Variants in FHOD3 observed in about 807,000 individuals in gnomAD.
The protein encoded by FHOD3 is FH1/FH2 domain-containing protein 3.
A neutral mutation model predicts 173.0 loss-of-function variants in FHOD3; 90 were observed. The ratio of observed to expected loss-of-function variants is 0.52; its 90% CI spans 0.44 to 0.62. The LOEUF (loss-of-function observed/expected upper bound fraction) is 0.62, where lower values mean the gene tolerates loss of function less well. Among genes scored for constraint, FHOD3 ranks in the 20% least tolerant of loss-of-function variants. The pLI is 0.00. For missense variants in FHOD3, 1,945 were observed against 2,034.7 expected (o/e 0.96, Z 0.85); for synonymous variants, 828 against 823.0 (o/e 1.01, Z -0.10).
intron 28 of FHOD3, among the ~76,000 whole-genome samples, chr18:36,771,605 C>T (rs1291401886): frequency 6.6e-6 from 1 of 152,176 alleles, no homozygotes; most frequent in Non-Finnish European, 1.5e-5. Context: ...AGTAGTTGCC[C>T]TTTATTGGCT....
At chr18:36,655,039 C>CT (rs986119463) in intron 13 of FHOD3, among the ~76,000 whole-genome samples, 30 of 140,672 alleles carry the variant, frequency 2.1e-4, no homozygotes, top group East Asian at 6.3e-4. Flanking sequence ...AACTGAGCTT[C>CT]TTTTTTTTTC....
intron 8 of FHOD3, among the ~76,000 whole-genome samples, chr18:36,610,772 G>A (rs1261396074): frequency 6.6e-6 from 1 of 152,224 alleles, no homozygotes; most frequent in East Asian, 1.9e-4. Flanking sequence ...TCCTAGGCAA[G>A]TTATCATGTT....
intron 3 of FHOD3, among the ~76,000 whole-genome samples, chr18:36,469,077 C>CT (rs2053123170): frequency 6.6e-6 from 1 of 152,150 alleles, no homozygotes; most frequent in East Asian, 1.9e-4. Flanking sequence ...CCTTGCCATA[C>CT]TTGGGGGTCT....
At chr18:36,462,196 C>G (rs1708687) in intron 3 of FHOD3, among the ~76,000 whole-genome samples, 152,133 of 152,322 alleles carry the variant, frequency 1, 75,972 homozygotes, top group East Asian at 1. Context: ...GTTGTTCACT[C>G]ACCAGGAACA....
intron 3 of FHOD3, among the ~76,000 whole-genome samples, chr18:36,375,984 C>T (rs1203944920): frequency 1.3e-5 from 2 of 152,178 alleles, no homozygotes; most frequent in Non-Finnish European, 2.9e-5. Context: ...ATGGTCATAT[C>T]GTGGGCATAC....
intron 3 of FHOD3, among the ~76,000 whole-genome samples, chr18:36,486,691 A>G (rs1010679887): frequency 6.6e-6 from 1 of 152,272 alleles, no homozygotes; most frequent in African/African-American, 2.4e-5. Context: ...CTTATTGACG[A>G]GTAATTCACA....
In FHOD3 at chr18:36,374,484, C is replaced by T. The variant is rs1470029742; in HGVS notation, c.337+1740C>T. Among the ~76,000 whole-genome samples, 8 of 152,322 alleles carry T rather than the reference C, an allele frequency of 5.3e-5. No homozygotes were observed. In the East Asian group the frequency reaches 5.8e-4, roughly 11 times the overall value. On this transcript the variant is annotated intron_variant, in intron 3 of 28. Coordinates refer to ENST00000590592, the MANE Select transcript of FHOD3 (RefSeq NM_001281740.3). ...TTCATAAACTAATTAAATATGACTA[C>T]ATAAAGGTCACTGCTTCTTTGAAAG... is the stretch of plus-strand genomic sequence containing the variant.
intron 1 of FHOD3, among the ~76,000 whole-genome samples, chr18:36,332,613 G>T (rs1188774187): frequency 6.6e-6 from 1 of 152,234 alleles, no homozygotes; most frequent in Non-Finnish European, 1.5e-5. Context: ...ACCGGTGTCT[G>T]TTTCTGTGTC....
chr18:36,739,621 ATTAT>A (rs759804710), intron 20 of FHOD3, among the ~76,000 whole-genome samples: 83 of 152,184 alleles, frequency 5.5e-4, no homozygotes, highest in Non-Finnish European at 8.1e-4. Flanking sequence ...CCATGTGTTT[ATTAT>A]TTGTTTCTAT....
intron 16 of FHOD3, 161 bp from the exon 17 acceptor site, chr18:36,693,048 C>G: frequency 1.5e-6 from 1 of 669,636 alleles, no homozygotes; most frequent in Non-Finnish European, 2.6e-6. Context: ...AGCATCTTGG[C>G]TTTGCTGGGT....
At chr18:36,373,225 A>T (rs544090876) in intron 3 of FHOD3, among the ~76,000 whole-genome samples, 1 of 152,330 alleles carries the variant, frequency 6.6e-6, no homozygotes, top group African/African-American at 2.4e-5. Flanking sequence ...GTGGTTCAGA[A>T]TGGCTTGCTG....
chr18:36,770,350 G>A (rs1237883478), intron 28 of FHOD3, among the ~76,000 whole-genome samples: 1 of 152,212 alleles, frequency 6.6e-6, no homozygotes, highest in East Asian at 1.9e-4. Context: ...CAAATTCAGA[G>A]AGCCCCAAAC....
intron 3 of FHOD3, among the ~76,000 whole-genome samples, chr18:36,500,484 A>G (rs151196373): frequency 6.6e-6 from 1 of 152,296 alleles, no homozygotes; most frequent in East Asian, 1.9e-4. Flanking sequence ...CTAGAATTGA[A>G]GCCCGAGGTG....
rs75151484 is a variant in FHOD3 at position 36,719,267 on chromosome 18, C to T, written c.3417+552C>T. ...TATTTGGCATCCTGTCAATATTACA[C>T]ATGCCTCTAGATTTAGTATTTTGGA... On this transcript the variant is annotated intron_variant, in intron 19 of 28. Coordinates refer to ENST00000590592, the MANE Select transcript of FHOD3 (RefSeq NM_001281740.3). Among the ~76,000 whole-genome samples the T allele has an allele frequency of 3.8e-4, 58 of 152,328 alleles. No individual in the cohort carries two copies. In the East Asian group the frequency reaches 8.1e-3, roughly 21 times the overall value.
At chr18:36,386,842 TG>T (rs2048058852) in intron 3 of FHOD3, among the ~76,000 whole-genome samples, 1 of 151,840 alleles carries the variant, frequency 6.6e-6, no homozygotes, top group Admixed American at 6.6e-5. Context: ...GGGTCTAGCT[TG>T]GGGGGATTGG....
At chr18:36,454,318 C>A (rs1026345124) in intron 3 of FHOD3, among the ~76,000 whole-genome samples, 1 of 152,072 alleles carries the variant, frequency 6.6e-6, no homozygotes, top group Non-Finnish European at 1.5e-5. Flanking sequence ...TGGGACCACA[C>A]ATATGGGGTT....
chr18:36,358,650 A>G (rs1223550757), intron 2 of FHOD3, among the ~76,000 whole-genome samples: 3 of 152,240 alleles, frequency 2.0e-5, no homozygotes, highest in Non-Finnish European at 4.4e-5. Context: ...GAATAGCTAC[A>G]CATTTAAAAT....
chr18:36,589,238 G>C (rs970871981), intron 6 of FHOD3, among the ~76,000 whole-genome samples: 2 of 152,296 alleles, frequency 1.3e-5, no homozygotes, highest in Admixed American at 6.5e-5. Context: ...GTTATATACT[G>C]TGATTTAGCT....
chr18:36,692,776 G>T (rs1323918218), intron 16 of FHOD3, among the ~76,000 whole-genome samples: 2 of 152,122 alleles, frequency 1.3e-5, no homozygotes, highest in East Asian at 3.9e-4. Flanking sequence ...AACCCCCTTT[G>T]GTATATGGGG....
Sources: gnomAD v4.1 joint callset for allele counts (sites outside exome capture counted in the v4.1 genomes callset) on GRCh38, gnomAD v4.1.1 for gene constraint, MANE v1.5 for transcripts, NCBI Gene and HGNC (gene_info 2026-07-23, HGNC 2026-07-21) for gene names.